KIAA2012: variants seen among roughly 807,000 people sequenced by gnomAD.
KIAA2012 encodes uncharacterized protein KIAA2012.
KIAA2012 carries 125 observed loss-of-function variants against 150.6 expected under a neutral mutation model. The observed-to-expected ratio is 0.83, with a 90% confidence interval of 0.72 to 0.96. KIAA2012 has a LOEUF of 0.96. Among genes scored for constraint, KIAA2012 ranks in the 40% least tolerant of loss-of-function variants. KIAA2012 has a pLI of 0.00. For synonymous variants in KIAA2012, 462 were observed against 504.7 expected (o/e 0.92, Z 1.13); for missense variants, 1,219 against 1,354.9 (o/e 0.90, Z 1.57).
At chr2:202,114,626 A>T (rs1282410271) in intron 11 of KIAA2012, 1 of 149,032 alleles carries the variant, frequency 6.7e-6, no homozygotes, top group Non-Finnish European at 1.7e-5. Context: ...CTGTAAGTTT[A>T]TTGTCACCAT....
chr2:202,109,035 T>C (rs2105926716), intron 9 of KIAA2012, among the ~76,000 whole-genome samples: 1 of 152,330 alleles, frequency 6.6e-6, no homozygotes, highest in Admixed American at 6.5e-5. Context: ...TATGGAATGC[T>C]ACCATCAATC....
intron 15 of KIAA2012, chr2:202,180,002 T>C: frequency 1.8e-6 from 1 of 561,842 alleles, no homozygotes; most frequent in Non-Finnish European, 3.3e-6. Context: ...GTGGGCGCGG[T>C]GGCTCATGCC....
rs1559200559 is a variant in KIAA2012, at chr2:202,093,091, G to A, written c.591G>A (p.Arg197=). The A allele has an allele frequency of 1.3e-6, 2 of 1,550,786 alleles. No individual in the cohort carries two copies. Among genetic ancestry groups the A allele is most frequent in the African/African-American group, 1.4e-5 (1 of 73,140 alleles). Residue 197 remains arginine, a synonymous_variant, in exon 4 of 24, where the codon AGG becomes AGA. Coordinates refer to ENST00000498697, the MANE Select transcript of KIAA2012 (RefSeq NM_001277372.4). Reference sequence around the variant, plus strand: ...AACTTAATGTACCAAAGAAGCTCAGGCCACAACAAGATCTTTCAGGTGTAC... The same window carrying A: ...AACTTAATGTACCAAAGAAGCTCAGACCACAACAAGATCTTTCAGGTGTAC... ...DSQLNVPKKL[R]PQQDLSGVPP...
intron 22 of KIAA2012, among the ~76,000 whole-genome samples, chr2:202,198,153 G>A (rs959972331): frequency 2.4e-4 from 29 of 119,310 alleles, no homozygotes; most frequent in Non-Finnish European, 4.2e-4. Context: ...CAGCCTGGGC[G>A]ACAAGAGCAA....
chr2:202,094,417 C>G (rs1689810055), intron 4 of KIAA2012, among the ~76,000 whole-genome samples: 1 of 152,214 alleles, frequency 6.6e-6, no homozygotes, highest in South Asian at 2.1e-4. Context: ...ATGGCAGGTT[C>G]TCAGAGCCTG....
chr2:202,153,131 G>A (rs556492548), intron 13 of KIAA2012, among the ~76,000 whole-genome samples: 24 of 152,310 alleles, frequency 1.6e-4, no homozygotes, highest in South Asian at 6.2e-4. Context: ...GCCATAACCT[G>A]TTAGTTACTC....
At chr2:202,199,920 A>ATTTTTTTTTTTTTTTTTTTTTT (rs71025287) in intron 22 of KIAA2012, among the ~76,000 whole-genome samples, 1 of 76,270 alleles carries the variant, frequency 1.3e-5, no homozygotes, top group African/African-American at 5.4e-5. Context: ...GCCCCTCATA[A>ATTTTTTTTTTTTTTTTTTTTTT]TTTTTTTTTT....
rs138196019 is a variant in KIAA2012 at position 202,184,276 on chromosome 2, C to T, written c.2120-477C>T. Reference sequence around the variant, plus strand: ...GCACACACCTGCAGTTCCAGCTACTCGGGAGGCTGAGGTAGGAGAATCACT... The same window carrying T: ...GCACACACCTGCAGTTCCAGCTACTTGGGAGGCTGAGGTAGGAGAATCACT... On this transcript the variant is annotated intron_variant, in intron 15 of 23. Coordinates refer to ENST00000498697, the MANE Select transcript of KIAA2012 (RefSeq NM_001277372.4). Among the ~76,000 whole-genome samples the T allele has an allele frequency of 4.4e-4, 66 of 151,358 alleles. No homozygotes were observed. The East Asian group carries it at 9.7e-3, about 22-fold the overall frequency.
At chr2:202,123,749 C>T (rs1690710309) in intron 11 of KIAA2012, among the ~76,000 whole-genome samples, 1 of 152,178 alleles carries the variant, frequency 6.6e-6, no homozygotes, top group African/African-American at 2.4e-5. Context: ...TAGAAGATTT[C>T]TAAGTCTTTT....
At chr2:202,116,692 C>T (rs1200289032) in intron 11 of KIAA2012, 1 of 152,104 alleles carries the variant, frequency 6.6e-6, no homozygotes, top group Non-Finnish European at 1.5e-5. Flanking sequence ...TTTTAAAATA[C>T]ATCCACAAAT....
chr2:202,091,096 C>T (rs1362217633), intron 3 of KIAA2012, among the ~76,000 whole-genome samples, 167 bp downstream of exon 3: 1 of 152,232 alleles, frequency 6.6e-6, no homozygotes. Context: ...TCACGGCTCC[C>T]GTCCTTTGTC....
At chr2:202,106,513 C>G (rs1349215656) in intron 9 of KIAA2012, among the ~76,000 whole-genome samples, 1 of 151,816 alleles carries the variant, frequency 6.6e-6, no homozygotes, top group Non-Finnish European at 1.5e-5. Context: ...GGTGAAACCC[C>G]GTCTCTACTA....
intron 11 of KIAA2012, among the ~76,000 whole-genome samples, chr2:202,122,844 T>C (rs932334430): frequency 6.6e-6 from 1 of 152,098 alleles, no homozygotes; most frequent in Non-Finnish European, 1.5e-5. Context: ...GTTAAGAAGG[T>C]TGTTTCGGAA....
chr2:202,196,741 G>A, intron 21 of KIAA2012, 59 bp from the exon 22 acceptor site: 1 of 1,507,658 alleles, frequency 6.6e-7, no homozygotes, highest in African/African-American at 1.4e-5. Flanking sequence ...AGTTGGATCC[G>A]AAAATTGTTT....
intron 9 of KIAA2012, among the ~76,000 whole-genome samples, chr2:202,108,122 C>T (rs774904851): frequency 1.3e-5 from 2 of 152,190 alleles, no homozygotes; most frequent in East Asian, 1.9e-4. Flanking sequence ...TCCATTGCCA[C>T]GGAGGCGACA....
At chr2:202,167,076 A>T (rs1305830113) in intron 15 of KIAA2012, among the ~76,000 whole-genome samples, 1 of 151,892 alleles carries the variant, frequency 6.6e-6, no homozygotes, top group East Asian at 1.9e-4. Flanking sequence ...CAGGAGGCTG[A>T]GGCAGGAGAA....
At chr2:202,174,715 T>C (rs1174224960) in intron 15 of KIAA2012, among the ~76,000 whole-genome samples, 4 of 152,264 alleles carry the variant, frequency 2.6e-5, no homozygotes, top group African/African-American at 9.6e-5. Context: ...CTCTCTCCCA[T>C]GTTATTTTGA....
At chr2:202,103,945 T>C (rs1328631337) in intron 8 of KIAA2012, among the ~76,000 whole-genome samples, 2 of 152,210 alleles carry the variant, frequency 1.3e-5, no homozygotes, top group Admixed American at 6.5e-5. Flanking sequence ...AAAAGTGTCC[T>C]AGTTTTGACA....
chr2:202,073,479 G>A lies in KIAA2012; in HGVS notation c.-149G>A. On this transcript the variant is annotated 5_prime_UTR_variant, in exon 1 of 24. Coordinates refer to ENST00000498697, the MANE Select transcript of KIAA2012 (RefSeq NM_001277372.4). ...GGCTGGTTGTTACTAAGAAGCTGCT[G>A]CGAGAGGGAAAAATGTATTTAATAA... The A allele has an allele frequency of 1.6e-6, 1 of 634,884 alleles. No individual in the cohort carries two copies. The highest frequency in any genetic ancestry group is 2.7e-6 in the Non-Finnish European group (1 of 365,346). The allele number at this position is 634,884 out of a possible 1,614,324, so 39.3% of individuals were successfully genotyped here.
Sources: gnomAD v4.1 joint callset for allele counts (sites outside exome capture counted in the v4.1 genomes callset) on GRCh38, gnomAD v4.1.1 for gene constraint, MANE v1.5 for transcripts, NCBI Gene and HGNC (gene_info 2026-07-23, HGNC 2026-07-21) for gene names.